Variants in ARHGAP26 observed in about 807,000 individuals in gnomAD.
The protein encoded by ARHGAP26 is rho GTPase-activating protein 26.
ARHGAP26 carries 38 observed loss-of-function variants against 104.8 expected under a neutral mutation model. That is an observed-to-expected ratio of 0.36 (90% CI 0.28 to 0.48). The LOEUF is 0.48. Among genes scored for constraint, ARHGAP26 ranks in the 20% least tolerant of loss-of-function variants. ARHGAP26 has a pLI of 0.99. For synonymous variants in ARHGAP26, 341 were observed against 340.0 expected, an observed-to-expected ratio of 1.00 and a Z score of -0.03; for missense variants, 704 against 947.9, an observed-to-expected ratio of 0.74 and a Z score of 3.38.
chr5:142,903,765 C>T (rs1435535093), intron 8 of ARHGAP26, 96 bp downstream of exon 8: 2 of 1,283,352 alleles, frequency 1.6e-6, no homozygotes, highest in African/African-American at 1.5e-5. Flanking sequence ...ACTGTAGATA[C>T]ATGCTTGGAT....
intron 11 of ARHGAP26, among the ~76,000 whole-genome samples, chr5:142,952,240 C>T (rs933709644): frequency 2.6e-5 from 4 of 152,132 alleles, no homozygotes; most frequent in Non-Finnish European, 5.9e-5. Flanking sequence ...GGCCACCATT[C>T]GACCCACTAG....
At chr5:143,065,424 G>A (rs373147161) in intron 17 of ARHGAP26, among the ~76,000 whole-genome samples, 14 of 152,178 alleles carry the variant, frequency 9.2e-5, no homozygotes, top group Non-Finnish European at 1.9e-4. Flanking sequence ...TGGCTGAAAC[G>A]TGGCAGCTGG....
intron 17 of ARHGAP26, among the ~76,000 whole-genome samples, chr5:143,098,593 T>C (rs1329907286): frequency 6.6e-6 from 1 of 152,128 alleles, no homozygotes; most frequent in Non-Finnish European, 1.5e-5. Flanking sequence ...TTATCAACAG[T>C]GGGTAGACAT....
At chr5:142,979,866 A>G in intron 11 of ARHGAP26, among the ~76,000 whole-genome samples, 1 of 152,218 alleles carries the variant, frequency 6.6e-6, no homozygotes, top group Non-Finnish European at 1.5e-5. Flanking sequence ...CTTCCTGCCT[A>G]CTATAAATCC....
At chr5:143,017,671 A>G (rs1779776674) in intron 12 of ARHGAP26, among the ~76,000 whole-genome samples, 1 of 152,148 alleles carries the variant, frequency 6.6e-6, no homozygotes, top group Non-Finnish European at 1.5e-5. Context: ...TCATTGTGTC[A>G]GGAGCCATTC....
chr5:142,857,693 C>T (rs926659390), intron 1 of ARHGAP26, among the ~76,000 whole-genome samples: 8 of 152,068 alleles, frequency 5.3e-5, no homozygotes, highest in Non-Finnish European at 1.0e-4. Context: ...CCTCTGGGAA[C>T]AGTTTCCTGC....
chr5:143,219,285 A>G (rs1810828441), intron 22 of ARHGAP26, among the ~76,000 whole-genome samples: 1 of 152,230 alleles, frequency 6.6e-6, no homozygotes, highest in Admixed American at 6.5e-5. Context: ...GATCCTGAGG[A>G]TCAAATGAAT....
At chr5:143,023,256 G>A (rs1780589865) in intron 12 of ARHGAP26, among the ~76,000 whole-genome samples, 2 of 152,246 alleles carry the variant, frequency 1.3e-5, no homozygotes, top group Admixed American at 1.3e-4. Context: ...ATGAGGACAA[G>A]ATTGAGGACC....
chr5:142,792,108 C>G (rs532024886), intron 1 of ARHGAP26, among the ~76,000 whole-genome samples: 2 of 152,088 alleles, frequency 1.3e-5, no homozygotes. Flanking sequence ...TATTTCAGGC[C>G]TCTCATACAT....
intron 1 of ARHGAP26, among the ~76,000 whole-genome samples, chr5:142,797,467 T>A (rs1372593953): frequency 1.3e-5 from 2 of 152,198 alleles, no homozygotes; most frequent in Non-Finnish European, 2.9e-5. Flanking sequence ...TCAGGAAGCT[T>A]TGGCAGAGAC....
At chr5:143,149,834 A>G (rs932922785) in intron 20 of ARHGAP26, among the ~76,000 whole-genome samples, 1 of 152,154 alleles carries the variant, frequency 6.6e-6, no homozygotes, top group Non-Finnish European at 1.5e-5. Flanking sequence ...GAGGTAGGGA[A>G]CCAGTCACCA....
At position 142,958,545 on chromosome 5, in the gene ARHGAP26, G is replaced by A. The variant is rs537200188; in HGVS notation, c.1107+26420G>A. ...TAGCTGGTTGTGGTGGCATGTGCCTGTAGTGCTAGCTACTTGGGAGGCTGA... is the reference window on the plus strand; with the variant it reads ...TAGCTGGTTGTGGTGGCATGTGCCTATAGTGCTAGCTACTTGGGAGGCTGA... On this transcript the variant is annotated intron_variant, in intron 11 of 22. Coordinates refer to ENST00000645722, the MANE Select transcript of ARHGAP26 (RefSeq NM_001135608.3). 5.3e-5 allele frequency among the ~76,000 whole-genome samples: 8 copies of A among 152,250 alleles called. No individual in the cohort carries two copies. In the South Asian group the frequency reaches 1.7e-3, roughly 32 times the overall value.
At chr5:142,845,776 ATGAC>A in intron 1 of ARHGAP26, among the ~76,000 whole-genome samples, 1 of 152,276 alleles carries the variant, frequency 6.6e-6, no homozygotes, top group East Asian at 1.9e-4. Context: ...CTTCAGGGAC[ATGAC>A]TGACCCCTCA....
intron 14 of ARHGAP26, among the ~76,000 whole-genome samples, chr5:143,045,042 A>C (rs1784032477): frequency 6.6e-6 from 1 of 152,232 alleles, no homozygotes. Context: ...CTGGTTTGCT[A>C]ATCTAAAAAA....
chr5:142,800,361 T>G (rs76723248), intron 1 of ARHGAP26, among the ~76,000 whole-genome samples: 7,136 of 151,270 alleles, frequency 0.047, 354 homozygotes, highest in East Asian at 0.19. Context: ...TGAGGTCTTT[T>G]TCTTTGTCTT....
At chr5:143,027,967 A>G (rs989533167) in intron 12 of ARHGAP26, among the ~76,000 whole-genome samples, 7 of 152,174 alleles carry the variant, frequency 4.6e-5, no homozygotes, top group African/African-American at 1.2e-4. Context: ...TGGAATAGAA[A>G]TGGTAGGATC....
At chr5:142,990,029 G>C (rs1389619650) in intron 11 of ARHGAP26, among the ~76,000 whole-genome samples, 1 of 152,102 alleles carries the variant, frequency 6.6e-6, no homozygotes, top group Non-Finnish European at 1.5e-5. Flanking sequence ...AGTTCTCCTG[G>C]ATAATATCCT....
chr5:142,794,267 C>G (rs962551178), intron 1 of ARHGAP26, among the ~76,000 whole-genome samples: 1 of 152,138 alleles, frequency 6.6e-6, no homozygotes, highest in Non-Finnish European at 1.5e-5. Flanking sequence ...TCCCTGAAGC[C>G]GACCTGACCC....
intron 17 of ARHGAP26, among the ~76,000 whole-genome samples, chr5:143,074,740 A>G (rs1312462360): frequency 6.6e-6 from 1 of 152,228 alleles, no homozygotes; most frequent in African/African-American, 2.4e-5. Context: ...GAACTCCTAT[A>G]CTTGAGATTC....
Sources: gnomAD v4.1 joint callset for allele counts (sites outside exome capture counted in the v4.1 genomes callset) on GRCh38, gnomAD v4.1.1 for gene constraint, MANE v1.5 for transcripts, NCBI Gene and HGNC (gene_info 2026-07-23, HGNC 2026-07-21) for gene names.